Variants in DMD observed in about 807,000 individuals in gnomAD.
DMD encodes the protein dystrophin.
Under a neutral mutation model 330.1 loss-of-function variants are expected in DMD, and 63 were observed. That is an observed-to-expected ratio of 0.19 (90% CI 0.16 to 0.24). The LOEUF is 0.24. Ranked by LOEUF, DMD falls within the 10% of genes least tolerant of loss-of-function variation. The pLI, the probability that DMD is intolerant of heterozygous loss-of-function variation, is 1.00. For synonymous variants in DMD, 1,223 were observed against 959.8 expected (o/e 1.27, Z -5.07); for missense variants, 3,344 against 2,684.1 (o/e 1.25, Z -5.43).
At chrX:31,244,616 G>T (rs764789727) in intron 63 of DMD, among the ~76,000 whole-genome samples, 1 of 111,533 alleles carries the variant, frequency 9.0e-6, no homozygotes, top group African/African-American at 3.3e-5. Context: ...TGCAACTAGC[G>T]AAAAATAACA....
intron 60 of DMD, among the ~76,000 whole-genome samples, chrX:31,349,759 A>C (rs1390729143): frequency 8.9e-6 from 1 of 112,005 alleles, no homozygotes; most frequent in Non-Finnish European, 1.9e-5. Context: ...CTAGCTCTCT[A>C]ACTCTGGATT....
chrX:31,995,559 C>T, intron 44 of DMD, among the ~76,000 whole-genome samples: 1 of 111,406 alleles, frequency 9.0e-6, no homozygotes, highest in Non-Finnish European at 1.9e-5. Flanking sequence ...TCAGAAATTG[C>T]TTTATCTATT....
chrX:31,268,718 T>G (rs1391735065), intron 62 of DMD, among the ~76,000 whole-genome samples: 1 of 112,387 alleles, frequency 8.9e-6, no homozygotes, highest in Non-Finnish European at 1.9e-5. Flanking sequence ...ACTTAACTAC[T>G]GTTTATGTTT....
At chrX:32,428,850 G>A (rs1284651062) in intron 29 of DMD, among the ~76,000 whole-genome samples, 1 of 111,539 alleles carries the variant, frequency 9.0e-6, no homozygotes, top group Non-Finnish European at 1.9e-5. Context: ...GACCTCAGGT[G>A]AGCCACCCAC....
chrX:31,511,076 G>A lies in DMD; in HGVS notation c.8218-3623C>T, dbSNP rs953190414. On this transcript the variant is annotated intron_variant, in intron 55 of 78. Transcript: ENST00000357033. The stretch of plus-strand genomic sequence containing the variant: ...TGGTAGGAAATCTTTCAAGCTACAG[G>A]ACTCAGATAGGTTGCCCTAAAAGGA... Among the ~76,000 whole-genome samples the A allele has an allele frequency of 3.6e-5, 4 of 110,635 alleles. No homozygotes were observed. In the Admixed American group the frequency reaches 3.9e-4, roughly 11 times the overall value.
At chrX:33,306,143 A>G (rs765251460) in intron 1 of DMD, among the ~76,000 whole-genome samples, 1 of 112,032 alleles carries the variant, frequency 8.9e-6, no homozygotes, top group South Asian at 3.7e-4. Flanking sequence ...CAAAAAGGCC[A>G]TAGAGACAAG....
intron 42 of DMD, among the ~76,000 whole-genome samples, chrX:32,303,793 T>C (rs764349432): frequency 9.0e-6 from 1 of 110,630 alleles, no homozygotes; most frequent in South Asian, 3.8e-4. Flanking sequence ...TTTGTCTTTA[T>C]CTGACAGATA....
At chrX:33,167,182 A>C (rs2049100751) in intron 1 of DMD, among the ~76,000 whole-genome samples, 1 of 111,689 alleles carries the variant, frequency 9.0e-6, no homozygotes, top group Non-Finnish European at 1.9e-5. Flanking sequence ...AACATTTAAA[A>C]ACACAGTTAT....
chrX:31,162,164 C>T (rs916961008), intron 74 of DMD, among the ~76,000 whole-genome samples: 1 of 109,979 alleles, frequency 9.1e-6, no homozygotes, highest in Non-Finnish European at 1.9e-5. Context: ...AGAACCAAGG[C>T]TTATTCATCT....
chrX:32,311,520 G>T (rs1244379174), intron 41 of DMD, among the ~76,000 whole-genome samples: 6 of 111,257 alleles, frequency 5.4e-5, no homozygotes, highest in Non-Finnish European at 1.1e-4. Context: ...ATCTACTTGT[G>T]ATATAGCAAA....
chrX:33,043,036 C>G (rs754806627), intron 1 of DMD, among the ~76,000 whole-genome samples: 41 of 111,826 alleles, frequency 3.7e-4, no homozygotes, highest in Non-Finnish European at 6.6e-4. Flanking sequence ...CAGTGGTCAA[C>G]AAAAACAATT....
At chrX:33,297,338 G>A (rs767040900) in intron 1 of DMD, among the ~76,000 whole-genome samples, 6 of 109,656 alleles carry the variant, frequency 5.5e-5, no homozygotes, top group East Asian at 2.8e-4. Context: ...TTAAAAATAC[G>A]TGTTGGTGAG....
Position 32,101,797 on chromosome X carries a change from T to C in DMD, c.6438+115119A>G, listed in dbSNP as rs762605561. Among the ~76,000 whole-genome samples, 3 of 111,554 alleles carry C rather than the reference T, an allele frequency of 2.7e-5. No homozygotes were observed. The East Asian group carries it at 8.5e-4, about 32-fold the overall frequency. On this transcript the variant is annotated intron_variant, in intron 44 of 78. Coordinates refer to ENST00000357033, the MANE Select transcript of DMD (RefSeq NM_004006.3). ...GTTTAAATGTGTCCCCCAAATTTCA[T>C]GTGTTGGAAACTTAATCCCCAACGT...
chrX:31,230,788 A>C (rs1332931659), intron 63 of DMD, among the ~76,000 whole-genome samples: 1 of 112,264 alleles, frequency 8.9e-6, no homozygotes, highest in Non-Finnish European at 1.9e-5. Flanking sequence ...AGATAGCACA[A>C]AATCCTGGCT....
At chrX:32,757,041 T>C (rs2071591873) in intron 7 of DMD, among the ~76,000 whole-genome samples, 2 of 111,590 alleles carry the variant, frequency 1.8e-5, no homozygotes, top group African/African-American at 6.5e-5. Flanking sequence ...GCTCCATTTT[T>C]TTTCTAATTT....
At chrX:32,134,949 T>C (rs1399840464) in intron 44 of DMD, among the ~76,000 whole-genome samples, 2 of 112,085 alleles carry the variant, frequency 1.8e-5, no homozygotes, top group African/African-American at 3.2e-5. Flanking sequence ...CTATGAAATA[T>C]ATTATTGTAG....
At chrX:32,230,456 A>G (rs1276404519) in intron 43 of DMD, among the ~76,000 whole-genome samples, 1 of 111,412 alleles carries the variant, frequency 9.0e-6, no homozygotes, top group Non-Finnish European at 1.9e-5. Flanking sequence ...CTTGTTGGCC[A>G]GGACGGTCTC....
chrX:31,486,137 A>G (rs908816489), intron 57 of DMD, among the ~76,000 whole-genome samples: 3 of 112,934 alleles, frequency 2.7e-5, no homozygotes, highest in African/African-American at 9.6e-5. Context: ...AAGATCATTA[A>G]TCGGCCACAG....
intron 64 of DMD, among the ~76,000 whole-genome samples, chrX:31,218,521 C>T (rs1258150634): frequency 9.0e-6 from 1 of 111,731 alleles, no homozygotes; most frequent in Non-Finnish European, 1.9e-5. Context: ...CCTTTAAACA[C>T]CAGTTAAACT....
Sources: allele counts gnomAD v4.1 joint callset (sites outside exome capture counted in the v4.1 genomes callset), GRCh38; gene constraint gnomAD v4.1.1; transcripts MANE v1.5; gene names NCBI Gene and HGNC (gene_info 2026-07-23, HGNC 2026-07-21).